FAM184B: variants seen among roughly 807,000 people sequenced by gnomAD.
The protein encoded by FAM184B is family with sequence similarity 184 member B, also known as protein FAM184B.
FAM184B carries 111 observed loss-of-function variants against 135.9 expected under a neutral mutation model. That is an observed-to-expected ratio of 0.82 (90% CI 0.70 to 0.96). The LOEUF (loss-of-function observed/expected upper bound fraction) is 0.96, where lower values mean the gene tolerates loss of function less well. Ranked by LOEUF, FAM184B falls within the 40% of genes least tolerant of loss-of-function variation. The pLI is 0.00. For synonymous variants in FAM184B, 552 were observed against 524.8 expected, an observed-to-expected ratio of 1.05 and a Z score of -0.71; for missense variants, 1,375 against 1,323.9, an observed-to-expected ratio of 1.04 and a Z score of -0.60.
intron 5 of FAM184B, among the ~76,000 whole-genome samples, chr4:17,699,340 T>C (rs1716932698): frequency 6.6e-6 from 1 of 152,022 alleles, no homozygotes; most frequent in Non-Finnish European, 1.5e-5. Context: ...TCATGAAAAC[T>C]GTAAACTCAT....
intron 1 of FAM184B, among the ~76,000 whole-genome samples, chr4:17,718,355 A>AG (rs1717442214): frequency 6.6e-6 from 1 of 152,194 alleles, no homozygotes; most frequent in Non-Finnish European, 1.5e-5. Context: ...AGAAAAAAAA[A>AG]GCTGGTAATA....
intron 11 of FAM184B, 47 bp downstream of exon 11, chr4:17,652,783 A>C: frequency 6.6e-7 from 1 of 1,524,918 alleles, no homozygotes. Context: ...CTACATGCAG[A>C]CCCTGCAGTT....
chr4:17,727,743 A>T (rs1472870484), intron 1 of FAM184B, among the ~76,000 whole-genome samples: 2 of 152,208 alleles, frequency 1.3e-5, no homozygotes, highest in Non-Finnish European at 2.9e-5. Flanking sequence ...ACCACTTCCC[A>T]CCAAGTCCTT....
intron 1 of FAM184B, among the ~76,000 whole-genome samples, chr4:17,724,337 C>T (rs1440177091): frequency 6.6e-6 from 1 of 152,050 alleles, no homozygotes; most frequent in East Asian, 1.9e-4. Context: ...TTTTTTAAGG[C>T]TAAAGGTATA....
chr4:17,692,238 G>A (rs1402836186), intron 6 of FAM184B, among the ~76,000 whole-genome samples: 3 of 151,798 alleles, frequency 2.0e-5, no homozygotes, highest in African/African-American at 7.3e-5. Flanking sequence ...AAGGAAGGGA[G>A]GACAGCAGGG....
intron 7 of FAM184B, among the ~76,000 whole-genome samples, chr4:17,667,526 A>T (rs1716083971): frequency 6.6e-6 from 1 of 152,238 alleles, no homozygotes; most frequent in Admixed American, 6.5e-5. Context: ...GCACTTGGGA[A>T]TCCACTGCCC....
chr4:17,695,969 A>G (rs990817976), intron 5 of FAM184B, among the ~76,000 whole-genome samples: 1 of 152,208 alleles, frequency 6.6e-6, no homozygotes, highest in Non-Finnish European at 1.5e-5. Context: ...GGACACTCCA[A>G]AATTTCCTGT....
In FAM184B at chr4:17,632,583, C is replaced by T. The variant is rs1714988385; in HGVS notation, c.3132G>A (p.Gln1044=). The change falls in exon 18 of 18, where the codon CAG becomes CAA. Residue 1044 remains glutamine (Q), a synonymous_variant. Coordinates refer to ENST00000265018, the MANE Select transcript of FAM184B (RefSeq NM_015688.2). The part of the protein sequence containing the change: ...GETAQAKEVQ[Q]KQGSPHQEWF... ...ATTCCTGGTGCGGAGAGCCCTGTTT[C>T]TGCTGGACTTCTTTGGCTTGGGCCG... 2 of 1,551,318 alleles carry T rather than the reference C, an allele frequency of 1.3e-6. No homozygotes were observed. Among genetic ancestry groups the T allele is most frequent in the Non-Finnish European group, 1.7e-6 (2 of 1,146,816 alleles).
At chr4:17,674,213 C>T (rs954154333) in intron 7 of FAM184B, among the ~76,000 whole-genome samples, 1 of 152,104 alleles carries the variant, frequency 6.6e-6, no homozygotes, top group Non-Finnish European at 1.5e-5. Flanking sequence ...TAATTACAAG[C>T]ATACCTCAGA....
At chr4:17,694,796 A>G (rs543436010) in intron 5 of FAM184B, among the ~76,000 whole-genome samples, 2 of 152,338 alleles carry the variant, frequency 1.3e-5, no homozygotes, top group African/African-American at 4.8e-5. Context: ...ATCAAAGTCC[A>G]TGAGCTAACA....
At chr4:17,683,304 A>G (rs867578743) in intron 7 of FAM184B, among the ~76,000 whole-genome samples, 2 of 152,172 alleles carry the variant, frequency 1.3e-5, no homozygotes, top group Non-Finnish European at 2.9e-5. Context: ...ACACGCACAC[A>G]CCACTGCACC....
chr4:17,658,643 G>A, intron 9 of FAM184B, 81 bp from the exon 10 acceptor site: 5 of 1,341,666 alleles, frequency 3.7e-6, no homozygotes, highest in Non-Finnish European at 5.1e-6. Context: ...CTTTCTAAAT[G>A]TTACCTCCAT....
chr4:17,647,435 A>C (rs1181298206), intron 12 of FAM184B, among the ~76,000 whole-genome samples: 3 of 151,778 alleles, frequency 2.0e-5, no homozygotes, highest in African/African-American at 7.3e-5. Flanking sequence ...TTTTTTGTAG[A>C]GATATAGTCT....
intron 8 of FAM184B, among the ~76,000 whole-genome samples, chr4:17,661,332 C>A (rs1309716247): frequency 6.6e-6 from 1 of 152,094 alleles, no homozygotes; most frequent in Non-Finnish European, 1.5e-5. Context: ...GGGTGGATGA[C>A]CTGAGGTCAG....
chr4:17,767,835 A>T (rs896232509), intron 1 of FAM184B, among the ~76,000 whole-genome samples: 4 of 152,168 alleles, frequency 2.6e-5, no homozygotes, highest in African/African-American at 9.7e-5. Flanking sequence ...TCAACAAGCC[A>T]TTCCCAAAGA....
chr4:17,758,850 T>C (rs1411422666), intron 1 of FAM184B, among the ~76,000 whole-genome samples: 1 of 151,586 alleles, frequency 6.6e-6, no homozygotes, highest in African/African-American at 2.4e-5. Flanking sequence ...TCTGCTCAGA[T>C]AGCTTACCGA....
chr4:17,713,158 A>C (rs1294284650), intron 1 of FAM184B, among the ~76,000 whole-genome samples: 2 of 152,198 alleles, frequency 1.3e-5, no homozygotes, highest in African/African-American at 4.8e-5. Context: ...TGCCTGGCTC[A>C]AGTGGACACT....
intron 3 of FAM184B, among the ~76,000 whole-genome samples, chr4:17,707,329 G>A (rs1356520773): frequency 2.0e-5 from 3 of 152,246 alleles, no homozygotes; most frequent in African/African-American, 4.8e-5. Flanking sequence ...AAAGCATTGT[G>A]TAAGTGGTGG....
In FAM184B at chr4:17,652,835, A is replaced by G. The variant is rs1178256655; in HGVS notation, c.2186T>C (p.Leu729Pro). ...GTACACTATTGGGTGTATACCTAGCAGCAGGGCCTGCTGTGCCTGCATCCT... is the reference window on the plus strand; with the variant it reads ...GTACACTATTGGGTGTATACCTAGCGGCAGGGCCTGCTGTGCCTGCATCCT... The part of the protein sequence containing the change: ...RERMQAQQAL[L>P]LESLRQELSE... The change falls in exon 11 of 18, where the codon CTG becomes CCG. Residue 729 changes from leucine (L) to proline (P), a missense_variant. Physicochemically the swap from Leu to Pro is moderately conservative, Grantham distance 98. Transcript: ENST00000265018. 1 of 1,551,012 alleles carries G rather than the reference A, an allele frequency of 6.4e-7. No homozygotes were observed. The highest frequency in any genetic ancestry group is 8.7e-7 in the Non-Finnish European group (1 of 1,146,816).
Sources: gnomAD v4.1 joint callset for allele counts (sites outside exome capture counted in the v4.1 genomes callset) on GRCh38, gnomAD v4.1.1 for gene constraint, MANE v1.5 for transcripts, NCBI Gene and HGNC (gene_info 2026-07-23, HGNC 2026-07-21) for gene names.